The following SYNRG variants were observed in gnomAD, a reference collection of about 807,000 sequenced individuals.
SYNRG encodes the protein AP1 gamma subunit binding protein 1.
Under a neutral mutation model 130.9 loss-of-function variants are expected in SYNRG, and 37 were observed. That is an observed-to-expected ratio of 0.28 (90% CI 0.22 to 0.37). SYNRG has a LOEUF of 0.37. SYNRG is among the 10% of genes least tolerant of loss of function. The pLI is 1.00. For synonymous variants in SYNRG, 539 were observed against 568.1 expected (o/e 0.95, Z 0.73); for missense variants, 1,338 against 1,588.9 (o/e 0.84, Z 2.68).
At chr17:37,592,089 C>G (rs2062242239) in intron 3 of SYNRG, among the ~76,000 whole-genome samples, 1 of 152,064 alleles carries the variant, frequency 6.6e-6, no homozygotes, top group South Asian at 2.1e-4. Flanking sequence ...ATAAAGAACT[C>G]TCAAAATTCA....
chr17:37,603,675 G>T (rs2063494343), intron 1 of SYNRG, among the ~76,000 whole-genome samples: 2 of 152,326 alleles, frequency 1.3e-5, no homozygotes, highest in South Asian at 4.1e-4. Context: ...TGAGAAGTAG[G>T]TCTCAACAAT....
In SYNRG at chr17:37,520,634, C is replaced by G; in HGVS notation, c.3681G>C (p.Ser1227=). ...GTAACATACAGGAGGAAAAATCCAG[C>G]GAGTTTTCATCTGGCTGTGAGGACG... ...SLATLTPDEN[S]LDFSSCMLRP... The change falls in exon 20 of 22, where the codon TCG becomes TCC. Residue 1227 remains serine, a synonymous_variant. Coordinates refer to ENST00000612223, the MANE Select transcript of SYNRG (RefSeq NM_007247.6). The G allele has an allele frequency of 1.2e-6, 2 of 1,614,168 alleles. No homozygotes were observed. The highest frequency in any genetic ancestry group is 1.7e-6 in the Non-Finnish European group (2 of 1,180,032).
chr17:37,589,718 C>T (rs530298868), intron 3 of SYNRG, among the ~76,000 whole-genome samples: 132 of 151,638 alleles, frequency 8.7e-4, no homozygotes, highest in African/African-American at 3.2e-3. Context: ...CACCACACTC[C>T]AGCCTGGGCG....
In SYNRG at chr17:37,518,864, C is replaced by G. The variant is rs2054630069; in HGVS notation, c.*76G>C. ...AGGGAAGCGAACTGTGCAGTGCTCG[C>G]ATTCTATTTATTGGTCCCTGTCACC... On this transcript the variant is annotated 3_prime_UTR_variant, in exon 22 of 22. Transcript: ENST00000612223. The G allele has an allele frequency of 6.4e-7, 1 of 1,569,512 alleles. No homozygotes were observed. Among genetic ancestry groups the G allele is most frequent in the Admixed American group, 1.8e-5 (1 of 55,326 alleles).
At chr17:37,526,662 CCT>C (rs890105805) in intron 19 of SYNRG, among the ~76,000 whole-genome samples, 3 of 152,162 alleles carry the variant, frequency 2.0e-5, no homozygotes, top group Admixed American at 2.0e-4. Flanking sequence ...CTCTACATTC[CCT>C]GACTTGTGGT....
intron 3 of SYNRG, among the ~76,000 whole-genome samples, chr17:37,594,894 T>C (rs764953541): frequency 6.6e-6 from 1 of 152,234 alleles, no homozygotes; most frequent in Non-Finnish European, 1.5e-5. Flanking sequence ...TACCTCCAAG[T>C]GTTAGCTTTA....
chr17:37,583,112 T>C (rs8075802), intron 6 of SYNRG, among the ~76,000 whole-genome samples: 65,995 of 151,352 alleles, frequency 0.44, 15,023 homozygotes, highest in East Asian at 0.67. Flanking sequence ...TGCCTCAGCC[T>C]ACCAAGTGAC....
intron 1 of SYNRG, among the ~76,000 whole-genome samples, chr17:37,601,953 G>A (rs1190958480): frequency 1.3e-5 from 2 of 152,098 alleles, no homozygotes; most frequent in African/African-American, 4.8e-5. Flanking sequence ...ATGAGCTACG[G>A]CACTTGGCCT....
intron 1 of SYNRG, among the ~76,000 whole-genome samples, chr17:37,601,347 G>T (rs1057309316): frequency 6.6e-6 from 1 of 152,066 alleles, no homozygotes; most frequent in South Asian, 2.1e-4. Flanking sequence ...GGGATTACAG[G>T]TGTGAGCCAC....
At chr17:37,570,375 T>C (rs1243492496) in intron 10 of SYNRG, among the ~76,000 whole-genome samples, 1 of 152,060 alleles carries the variant, frequency 6.6e-6, no homozygotes, top group Non-Finnish European at 1.5e-5. Context: ...GCTGTACCAA[T>C]AAGCCTAGAG....
At position 37,586,622 on chromosome 17, in the gene SYNRG, C is replaced by CATAAATTCT. The variant is rs1368558703; in HGVS notation, c.241-82_241-74dup. The CATAAATTCT allele has an allele frequency of 3.9e-6, 6 of 1,546,802 alleles. No homozygotes were observed. The Admixed American group carries it at 1.1e-4, about 28-fold the overall frequency. The stretch of plus-strand genomic sequence containing the variant: ...TTATCACACACAAAAATGTGACTTC[C>CATAAATTCT]ATAAATTCTATCTTAATACTCTTAT... On this transcript the variant is annotated intron_variant, in intron 3 of 21. Coordinates refer to ENST00000612223, the MANE Select transcript of SYNRG (RefSeq NM_007247.6).
At chr17:37,531,254 A>G (rs907433315) in intron 19 of SYNRG, among the ~76,000 whole-genome samples, 5 of 152,084 alleles carry the variant, frequency 3.3e-5, no homozygotes, top group Non-Finnish European at 7.4e-5. Flanking sequence ...CAAACAGGTA[A>G]ATAAATAAAA....
At chr17:37,575,676 A>G (rs1424615276) in intron 8 of SYNRG, among the ~76,000 whole-genome samples, 1 of 151,876 alleles carries the variant, frequency 6.6e-6, no homozygotes, top group African/African-American at 2.4e-5. Context: ...CCCCGTCTCT[A>G]CAAAAAAATA....
intron 14 of SYNRG, among the ~76,000 whole-genome samples, chr17:37,549,127 G>T (rs1488409903): frequency 3.7e-5 from 5 of 133,968 alleles, no homozygotes; most frequent in Non-Finnish European, 7.9e-5. Context: ...AAGAAACCTG[G>T]TCTCAAAAAA....
Position 37,518,907 on chromosome 17 carries a change from A to G in SYNRG, c.*33T>C, listed in dbSNP as rs778713683. 6.2e-7 allele frequency: 1 copy of G among 1,603,198 alleles called. No individual in the cohort carries two copies. The highest frequency in any genetic ancestry group is 8.5e-7 in the Non-Finnish European group (1 of 1,174,234). On this transcript the variant is annotated 3_prime_UTR_variant, in exon 22 of 22. Transcript: ENST00000612223. ...CTGTCACCCCGTGGGGTGTCACAGA[A>G]AAAAAAAAGTCAATGCTTCACAGAG... is the stretch of plus-strand genomic sequence containing the variant.
intron 19 of SYNRG, among the ~76,000 whole-genome samples, chr17:37,520,995 C>A (rs1899873727): frequency 6.6e-6 from 1 of 151,354 alleles, no homozygotes; most frequent in South Asian, 2.1e-4. Flanking sequence ...GAGGATGGGG[C>A]CTGAAGCCAG....
At chr17:37,523,624 G>A (rs762448852) in intron 19 of SYNRG, among the ~76,000 whole-genome samples, 1 of 152,162 alleles carries the variant, frequency 6.6e-6, no homozygotes, top group African/African-American at 2.4e-5. Flanking sequence ...CCTCTCAGAG[G>A]GCTCATCCTC....
At chr17:37,594,654 G>C (rs553018989) in intron 3 of SYNRG, among the ~76,000 whole-genome samples, 1 of 151,942 alleles carries the variant, frequency 6.6e-6, no homozygotes, top group Admixed American at 6.6e-5. Context: ...TAGAGACGAG[G>C]TTTCACCATG....
intron 2 of SYNRG, among the ~76,000 whole-genome samples, chr17:37,596,786 C>T (rs1407083492): frequency 6.6e-6 from 1 of 151,770 alleles, no homozygotes; most frequent in Non-Finnish European, 1.5e-5. Context: ...TCTTTTGAGA[C>T]AGAGTCTCAC....
Sources: gnomAD v4.1 joint callset for allele counts (sites outside exome capture counted in the v4.1 genomes callset) on GRCh38, gnomAD v4.1.1 for gene constraint, MANE v1.5 for transcripts, NCBI Gene and HGNC (gene_info 2026-07-23, HGNC 2026-07-21) for gene names.